The following ZRANB3 variants were observed in gnomAD, a reference collection of about 807,000 sequenced individuals.
ZRANB3 encodes the protein DNA annealing helicase and endonuclease ZRANB3.
In ZRANB3, 125 loss-of-function variants were observed where a neutral mutation model predicts 133.8. The observed-to-expected ratio is 0.93, with a 90% CI of 0.81 to 1.08. ZRANB3 has a LOEUF of 1.08. ZRANB3 is among the 50% of genes least tolerant of loss of function. The pLI, the probability that ZRANB3 is intolerant of heterozygous loss-of-function variation, is 0.00. For synonymous variants in ZRANB3, 387 were observed against 432.7 expected (o/e 0.89, Z 1.31); for missense variants, 1,229 against 1,275.5 (o/e 0.96, Z 0.56).
chr2:135,510,343 G>T (rs1489137641), intron 1 of ZRANB3, among the ~76,000 whole-genome samples: 1 of 152,048 alleles, frequency 6.6e-6, no homozygotes, highest in Non-Finnish European at 1.5e-5. Context: ...CCACAAAATT[G>T]GAAGTGAAAG....
intron 8 of ZRANB3, among the ~76,000 whole-genome samples, chr2:135,278,558 G>A (rs1680949493): frequency 6.6e-6 from 1 of 152,124 alleles, no homozygotes; most frequent in Non-Finnish European, 1.5e-5. Flanking sequence ...AGTTCAGACT[G>A]GAGCTAATCA....
intron 12 of ZRANB3, among the ~76,000 whole-genome samples, chr2:135,233,163 C>T (rs1015107537): frequency 2.0e-5 from 3 of 151,982 alleles, no homozygotes; most frequent in South Asian, 4.2e-4. Context: ...CCTCAGTAGC[C>T]GATTTGATCA....
intron 3 of ZRANB3, among the ~76,000 whole-genome samples, chr2:135,353,865 C>T (rs1022803774): frequency 3.3e-5 from 5 of 151,788 alleles, no homozygotes; most frequent in Admixed American, 2.6e-4. Flanking sequence ...ATTAGCTGGG[C>T]GTGGTAGGAC....
rs189792144 is a variant in ZRANB3, at chr2:135,518,011, T to C, written c.-8+13116A>G. Among the ~76,000 whole-genome samples the C allele has an allele frequency of 5.0e-3, 766 of 152,248 alleles. 4 individuals carry two copies. Among genetic ancestry groups the C allele is most frequent in the Admixed American group, 0.012 (187 of 15,298 alleles). On this transcript the variant is annotated intron_variant, in intron 1 of 20. Transcript: ENST00000264159. ...GCTAGAGTGGCTTTGCGTGCTGCGGTGGGTTCCGCACCCAGTTCGAACTTC... is the reference window on the plus strand; with the variant it reads ...GCTAGAGTGGCTTTGCGTGCTGCGGCGGGTTCCGCACCCAGTTCGAACTTC...
At chr2:135,458,274 C>T (rs947910984) in intron 2 of ZRANB3, among the ~76,000 whole-genome samples, 3 of 152,002 alleles carry the variant, frequency 2.0e-5, no homozygotes, top group African/African-American at 7.2e-5. Context: ...TTATAGTCTT[C>T]ATTCATTACT....
At chr2:135,506,029 C>T (rs987471836) in intron 1 of ZRANB3, among the ~76,000 whole-genome samples, 1 of 151,898 alleles carries the variant, frequency 6.6e-6, no homozygotes, top group East Asian at 1.9e-4. Context: ...AAGAGCAGTC[C>T]GAGGAAAGAG....
At chr2:135,399,716 G>C (rs551775157) in intron 2 of ZRANB3, among the ~76,000 whole-genome samples, 4 of 152,222 alleles carry the variant, frequency 2.6e-5, no homozygotes, top group African/African-American at 9.6e-5. Context: ...TGTTGTTTGA[G>C]TGCTGTTTGT....
Position 135,353,499 on chromosome 2 carries a change from C to A in ZRANB3, c.310G>T (p.Glu104Ter). ...ACATTGATTTCTTCTGGACTTAGCT[C>A]TGGGATCCATTTTTCAATTTCTTCT... is the stretch of plus-strand genomic sequence containing the variant. ...WTEEIEKWIP[E>*]LSPEEINVIQ... Residue 104 changes from glutamate (E) to a stop codon, truncating the protein, a stop_gained, in exon 4 of 21, where the codon GAG becomes TAG. Coordinates refer to ENST00000264159, the MANE Select transcript of ZRANB3 (RefSeq NM_032143.4). LOFTEE classifies it high-confidence loss of function. 1 of 1,609,738 alleles carries A rather than the reference C, an allele frequency of 6.2e-7. No homozygotes were observed. The highest frequency in any genetic ancestry group is 8.5e-7 in the Non-Finnish European group (1 of 1,177,638).
intron 2 of ZRANB3, among the ~76,000 whole-genome samples, chr2:135,444,336 T>C (rs1354989726): frequency 2.0e-5 from 3 of 152,192 alleles, no homozygotes; most frequent in Non-Finnish European, 4.4e-5. Flanking sequence ...ATAACAGCTT[T>C]ATGCATAATA....
chr2:135,244,974 A>G (rs1695723501), intron 12 of ZRANB3, among the ~76,000 whole-genome samples: 1 of 152,232 alleles, frequency 6.6e-6, no homozygotes, highest in Non-Finnish European at 1.5e-5. Flanking sequence ...GGGTAATAAA[A>G]TTGAGGCTTT....
At chr2:135,343,123 T>C (rs1295372311) in intron 6 of ZRANB3, among the ~76,000 whole-genome samples, 7 of 142,718 alleles carry the variant, frequency 4.9e-5, no homozygotes, top group Non-Finnish European at 1.0e-4. Context: ...GAGGCAGAGG[T>C]TGCGGTGAGC....
At position 135,381,010 on chromosome 2, in the gene ZRANB3, C is replaced by G. The variant is rs895503420; in HGVS notation, c.180+9792G>C. 6.6e-5 allele frequency among the ~76,000 whole-genome samples: 10 copies of G among 152,214 alleles called. No homozygotes were observed. In the South Asian group the frequency reaches 2.1e-3, roughly 32 times the overall value. Reference sequence around the variant, plus strand: ...GGATTGTGGGACAGTGGGTGCAGGACAGAGGATGCAGTGCATTGAGCGTGA... The same window carrying G: ...GGATTGTGGGACAGTGGGTGCAGGAGAGAGGATGCAGTGCATTGAGCGTGA... On this transcript the variant is annotated intron_variant, in intron 3 of 20. Transcript: ENST00000264159.
At position 135,367,968 on chromosome 2, in the gene ZRANB3, T is replaced by C. The variant is rs576388835; in HGVS notation, c.181-14340A>G. ...GAATAACTTCTCTGTTCTTTTGTCT[T>C]CTAGTAGAATTAGTAATAGCTCCAA... On this transcript the variant is annotated intron_variant, in intron 3 of 20. Transcript: ENST00000264159. Among the ~76,000 whole-genome samples the C allele has an allele frequency of 3.3e-5, 5 of 152,270 alleles. No homozygotes were observed. In the East Asian group the frequency reaches 9.6e-4, roughly 29 times the overall value.
chr2:135,368,604 T>C (rs536588257), intron 3 of ZRANB3, among the ~76,000 whole-genome samples: 1 of 152,158 alleles, frequency 6.6e-6, no homozygotes, highest in African/African-American at 2.4e-5. Context: ...TTAATAATAA[T>C]TTAATTGTAC....
chr2:135,271,555 C>T (rs1285341255), intron 10 of ZRANB3, among the ~76,000 whole-genome samples: 2 of 152,206 alleles, frequency 1.3e-5, no homozygotes, highest in Non-Finnish European at 2.9e-5. Flanking sequence ...CTTTCAAAGA[C>T]ATCCTTTCCT....
At chr2:135,261,681 A>G (rs973181725) in intron 12 of ZRANB3, among the ~76,000 whole-genome samples, 12 of 152,348 alleles carry the variant, frequency 7.9e-5, no homozygotes, top group South Asian at 4.1e-4. Flanking sequence ...AAACATACAC[A>G]TATGTAGGAA....
intron 2 of ZRANB3, among the ~76,000 whole-genome samples, chr2:135,479,368 C>T (rs1275298956): frequency 6.6e-6 from 1 of 152,206 alleles, no homozygotes; most frequent in South Asian, 2.1e-4. Flanking sequence ...GGCACGGTGG[C>T]TCATGCCTGT....
intron 6 of ZRANB3, among the ~76,000 whole-genome samples, chr2:135,326,250 A>G (rs925226158): frequency 6.6e-6 from 1 of 152,110 alleles, no homozygotes; most frequent in African/African-American, 2.4e-5. Context: ...GTGTGTGTGC[A>G]TGTTTGTGCT....
At chr2:135,234,386 G>A (rs958912671) in intron 12 of ZRANB3, among the ~76,000 whole-genome samples, 2 of 152,058 alleles carry the variant, frequency 1.3e-5, no homozygotes, top group African/African-American at 4.8e-5. Flanking sequence ...ACAGATCTAC[G>A]AGACAGAAAG....
Sources: gnomAD v4.1 joint callset for allele counts (sites outside exome capture counted in the v4.1 genomes callset) on GRCh38, gnomAD v4.1.1 for gene constraint, MANE v1.5 for transcripts, NCBI Gene and HGNC (gene_info 2026-07-23, HGNC 2026-07-21) for gene names.